FAM20C: variants seen among roughly 807,000 people sequenced by gnomAD.
FAM20C encodes the protein extracellular serine/threonine protein kinase FAM20C.
Under a neutral mutation model 51.5 loss-of-function variants are expected in FAM20C, and 40 were observed. The observed-to-expected ratio is 0.78, with a 90% confidence interval of 0.60 to 1.01. The LOEUF (loss-of-function observed/expected upper bound fraction) is 1.01. Ranked by LOEUF, FAM20C falls within the 50% of genes least tolerant of loss-of-function variation. The pLI, the probability that FAM20C is intolerant of heterozygous loss-of-function variation, is 0.00. For synonymous variants in FAM20C, 406 were observed against 380.6 expected, an observed-to-expected ratio of 1.07 and a Z score of -0.78; for missense variants, 861 against 844.7, an observed-to-expected ratio of 1.02 and a Z score of -0.24.
At chr7:218,996 A>T (rs1025598999) in intron 3 of FAM20C, among the ~76,000 whole-genome samples, 2 of 152,084 alleles carry the variant, frequency 1.3e-5, no homozygotes, top group African/African-American at 4.8e-5. Context: ...CATGGACGGG[A>T]CTTGCTCAGA....
At position 243,767 on chromosome 7, in the gene FAM20C, A is replaced by G. The variant is rs867352970; in HGVS notation, c.864-2648A>G. Reference sequence around the variant, plus strand: ...GCCACCCGGGAGACCTGTGCCACCCAGGAGACCTGGGCGCCGCCTCTGCAG... The same window carrying G: ...GCCACCCGGGAGACCTGTGCCACCCGGGAGACCTGGGCGCCGCCTCTGCAG... On this transcript the variant is annotated intron_variant, in intron 3 of 9. Coordinates refer to ENST00000313766, the MANE Select transcript of FAM20C (RefSeq NM_020223.4). Among the ~76,000 whole-genome samples, 608 of 149,236 alleles carry G rather than the reference A, an allele frequency of 4.1e-3. 10 individuals carry two copies. Among genetic ancestry groups the G allele is most frequent in the African/African-American group, 0.014 (564 of 40,358 alleles).
chr7:259,598 CTG>C (rs1491581993), intron 9 of FAM20C, 131 bp from the exon 10 acceptor site: 913 of 1,170,278 alleles, frequency 7.8e-4, no homozygotes, highest in Non-Finnish European at 9.5e-4. Context: ...CTTTTTCTCT[CTG>C]TCTCTGTCCC....
chr7:199,579 A>G (rs1320966671), intron 2 of FAM20C, among the ~76,000 whole-genome samples: 1 of 152,204 alleles, frequency 6.6e-6, no homozygotes, highest in Non-Finnish European at 1.5e-5. Flanking sequence ...CGAGTCTCCA[A>G]AGCCTTCCCT....
At chr7:248,115 C>A (rs1341724506) in intron 4 of FAM20C, among the ~76,000 whole-genome samples, 200 bp from the exon 5 acceptor site, 1 of 152,172 alleles carries the variant, frequency 6.6e-6, no homozygotes. Context: ...CCCTCAGGGG[C>A]CTCTCCCACC....
At chr7:257,845 C>A (rs796694004) in intron 8 of FAM20C, among the ~76,000 whole-genome samples, 142 of 70,536 alleles carry the variant, frequency 2.0e-3, no homozygotes, top group South Asian at 2.7e-3. Context: ...CAGGGTGGAC[C>A]CACTGCCTGG....
chr7:240,684 A>C (rs1787919747), intron 3 of FAM20C, among the ~76,000 whole-genome samples: 1 of 152,170 alleles, frequency 6.6e-6, no homozygotes, highest in Non-Finnish European at 1.5e-5. Context: ...TTCGGAAGCA[A>C]GCCCTTGGCC....
intron 2 of FAM20C, among the ~76,000 whole-genome samples, chr7:208,169 G>A (rs1786525967): frequency 1.3e-5 from 2 of 151,084 alleles, no homozygotes; most frequent in East Asian, 1.9e-4. Flanking sequence ...TCGTGCAGGG[G>A]TATGTAGGGG....
chr7:211,845 T>G (rs1016758773), intron 3 of FAM20C, among the ~76,000 whole-genome samples: 1 of 152,178 alleles, frequency 6.6e-6, no homozygotes, highest in African/African-American at 2.4e-5. Flanking sequence ...ACAGGGCACG[T>G]GGCGGGCGGA....
chr7:219,787 G>A (rs970727602), intron 3 of FAM20C, among the ~76,000 whole-genome samples: 6 of 152,184 alleles, frequency 3.9e-5, no homozygotes, highest in Non-Finnish European at 5.9e-5. Context: ...ACTAAGGCTC[G>A]GGGAAACAAA....
intron 3 of FAM20C, among the ~76,000 whole-genome samples, chr7:241,893 G>A (rs1787958484): frequency 8.6e-5 from 13 of 151,964 alleles, no homozygotes; most frequent in Admixed American, 8.5e-4. Context: ...GTGTGCATGA[G>A]TGTTCATGTG....
At chr7:237,760 A>G (rs1198204247) in intron 3 of FAM20C, among the ~76,000 whole-genome samples, 1 of 151,792 alleles carries the variant, frequency 6.6e-6, no homozygotes, top group Non-Finnish European at 1.5e-5. Flanking sequence ...AATGATGATG[A>G]TGGTGATGGT....
At chr7:255,775 T>G in intron 5 of FAM20C, 74 bp from the exon 6 acceptor site, 2 of 1,497,716 alleles carry the variant, frequency 1.3e-6, no homozygotes, top group South Asian at 2.4e-5. Context: ...CGGCCCGGCC[T>G]TGGGGGCCGT....
intron 2 of FAM20C, among the ~76,000 whole-genome samples, chr7:198,506 T>C (rs1225538883): frequency 6.6e-6 from 1 of 152,248 alleles, no homozygotes; most frequent in Non-Finnish European, 1.5e-5. Context: ...TTAAAAGTCC[T>C]GATTTTTCTC....
chr7:259,632 C>A, intron 9 of FAM20C, 99 bp from the exon 10 acceptor site: 2 of 1,318,004 alleles, frequency 1.5e-6, no homozygotes, highest in Non-Finnish European at 2.0e-6. Context: ...CTCTGTCTCT[C>A]CCCCCACTCT....
At chr7:255,189 C>T (rs1788542138) in intron 5 of FAM20C, among the ~76,000 whole-genome samples, 1 of 152,296 alleles carries the variant, frequency 6.6e-6, no homozygotes, top group East Asian at 1.9e-4. Flanking sequence ...GTGGCTGTGC[C>T]GTGTGCACCC....
At chr7:236,372 G>A (rs900663969) in intron 3 of FAM20C, among the ~76,000 whole-genome samples, 29 of 152,346 alleles carry the variant, frequency 1.9e-4, no homozygotes, top group African/African-American at 5.8e-4. Context: ...TGAGGTGTCC[G>A]TTGCAGCCCC....
chr7:218,285 C>G (rs984889464), intron 3 of FAM20C, among the ~76,000 whole-genome samples: 1 of 152,164 alleles, frequency 6.6e-6, no homozygotes, highest in African/African-American at 2.4e-5. Flanking sequence ...GCCCTGCAGG[C>G]CTGGGCTCAG....
chr7:256,241 G>C (rs371968459), intron 6 of FAM20C: 1 of 677,038 alleles, frequency 1.5e-6, no homozygotes, highest in South Asian at 2.1e-5. Context: ...TCCCTGACCC[G>C]GGCCGGCCTG....
chr7:215,162 G>A (rs1200773589), intron 3 of FAM20C, among the ~76,000 whole-genome samples: 1 of 151,428 alleles, frequency 6.6e-6, no homozygotes, highest in Non-Finnish European at 1.5e-5. Flanking sequence ...CAGAGTGAAA[G>A]AGAAATGTAC....
Sources: allele counts gnomAD v4.1 joint callset (sites outside exome capture counted in the v4.1 genomes callset), GRCh38; gene constraint gnomAD v4.1.1; transcripts MANE v1.5; gene names NCBI Gene and HGNC (gene_info 2026-07-23, HGNC 2026-07-21).